The following ADGRL3 variants were observed in gnomAD, a reference collection of about 807,000 sequenced individuals.
The protein encoded by ADGRL3 is adhesion G protein-coupled receptor L3.
A neutral mutation model predicts 153.5 loss-of-function variants in ADGRL3; 62 were observed. The ratio of observed to expected loss-of-function variants is 0.40; its 90% CI spans 0.33 to 0.50. ADGRL3 has a LOEUF of 0.50. Among genes scored for constraint, ADGRL3 ranks in the 20% least tolerant of loss-of-function variants. The probability of loss-of-function intolerance (pLI) is 0.47; values close to 1 mark genes in which losing one functional copy is unlikely to be tolerated. For missense variants in ADGRL3, 1,641 were observed against 1,859.4 expected (o/e 0.88, Z 2.16); for synonymous variants, 710 against 672.5 (o/e 1.06, Z -0.86).
intron 21 of ADGRL3, among the ~76,000 whole-genome samples, chr4:62,004,175 A>G (rs897818950): frequency 1.2e-4 from 19 of 152,116 alleles, no homozygotes; most frequent in African/African-American, 4.1e-4. Context: ...ATACAACAAT[A>G]TCGCAAGAAT....
intron 19 of ADGRL3, among the ~76,000 whole-genome samples, chr4:61,993,368 C>T (rs1483543673): frequency 7.1e-6 from 1 of 141,050 alleles, no homozygotes; most frequent in Non-Finnish European, 1.5e-5. Context: ...TCTTGGCTCA[C>T]TGCAACCTCT....
intron 1 of ADGRL3, among the ~76,000 whole-genome samples, chr4:61,215,843 C>T (rs1742531755): frequency 6.6e-6 from 1 of 152,016 alleles, no homozygotes; most frequent in African/African-American, 2.4e-5. Flanking sequence ...TGAGCCACCG[C>T]GCTCGGCCTG....
chr4:61,635,902 C>A (rs1374366189), intron 5 of ADGRL3, among the ~76,000 whole-genome samples: 1 of 151,978 alleles, frequency 6.6e-6, no homozygotes, highest in Non-Finnish European at 1.5e-5. Context: ...TTGTATTGGA[C>A]CAGGACCTAC....
At chr4:61,419,887 G>A (rs763142053) in intron 2 of ADGRL3, among the ~76,000 whole-genome samples, 3 of 151,358 alleles carry the variant, frequency 2.0e-5, no homozygotes, top group Non-Finnish European at 4.4e-5. Flanking sequence ...CTCCACCTCC[G>A]GGTTTGAGTG....
chr4:61,519,615 A>G (rs2098517809), intron 4 of ADGRL3, among the ~76,000 whole-genome samples: 1 of 152,198 alleles, frequency 6.6e-6, no homozygotes, highest in South Asian at 2.1e-4. Context: ...ATAGGGGCAT[A>G]ATCTTTCCTA....
chr4:61,734,074 T>C (rs1340277845), intron 8 of ADGRL3, among the ~76,000 whole-genome samples: 1 of 152,200 alleles, frequency 6.6e-6, no homozygotes, highest in Non-Finnish European at 1.5e-5. Context: ...TTAATTTGTA[T>C]GTTGAGAAAA....
intron 19 of ADGRL3, among the ~76,000 whole-genome samples, chr4:61,995,349 A>C (rs2099118166): frequency 6.6e-6 from 1 of 152,076 alleles, no homozygotes; most frequent in Non-Finnish European, 1.5e-5. Flanking sequence ...CCTTCTTAAT[A>C]GATTTCTGTT....
At chr4:61,324,007 A>G (rs1485420514) in intron 1 of ADGRL3, among the ~76,000 whole-genome samples, 1 of 152,180 alleles carries the variant, frequency 6.6e-6, no homozygotes, top group Non-Finnish European at 1.5e-5. Context: ...GGTGGAAGGT[A>G]AGGAGGAGGA....
At chr4:61,457,509 T>C (rs1157394330) in intron 2 of ADGRL3, among the ~76,000 whole-genome samples, 1 of 151,966 alleles carries the variant, frequency 6.6e-6, no homozygotes, top group Non-Finnish European at 1.5e-5. Flanking sequence ...CTGCAGCAGC[T>C]TGGTTTGAAA....
chr4:61,475,783 A>C (rs1004662552), intron 2 of ADGRL3, among the ~76,000 whole-genome samples: 2 of 152,190 alleles, frequency 1.3e-5, no homozygotes, highest in African/African-American at 4.8e-5. Context: ...ATTACTTCAT[A>C]GATTTATAGG....
intron 25 of ADGRL3, among the ~76,000 whole-genome samples, chr4:62,055,480 T>A (rs1736500338): frequency 6.6e-6 from 1 of 151,712 alleles, no homozygotes; most frequent in Non-Finnish European, 1.5e-5. Context: ...GTGTGATAAA[T>A]CAAGATGTCA....
intron 1 of ADGRL3, among the ~76,000 whole-genome samples, chr4:61,317,968 G>A (rs2095261785): frequency 6.6e-6 from 1 of 151,970 alleles, no homozygotes; most frequent in South Asian, 2.1e-4. Context: ...TTGAGGTCAG[G>A]AGTTCAAAAC....
intron 3 of ADGRL3, among the ~76,000 whole-genome samples, chr4:61,513,522 A>G (rs1212085268): frequency 1.3e-5 from 2 of 152,126 alleles, no homozygotes; most frequent in East Asian, 3.9e-4. Context: ...ACATGGGATA[A>G]ATATTTTGAT....
Position 61,801,001 on chromosome 4 carries a change from C to T in ADGRL3, c.1400-12808C>T, listed in dbSNP as rs140480111. Among the ~76,000 whole-genome samples the T allele has an allele frequency of 8.0e-3, 1,220 of 152,184 alleles. 12 individuals carry two copies. Among genetic ancestry groups the T allele is most frequent in the African/African-American group, 0.028 (1,155 of 41,532 alleles). ...TCTACACAGTTAACTGCAATTTGAT[C>T]AGGTTGAAAAGATCATTAATAAGGT... On this transcript the variant is annotated intron_variant, in intron 8 of 26. Coordinates refer to ENST00000683033, the MANE Select transcript of ADGRL3 (RefSeq NM_001387552.1).
chr4:62,061,980 A>G (rs1461591395), intron 25 of ADGRL3, among the ~76,000 whole-genome samples: 1 of 152,050 alleles, frequency 6.6e-6, no homozygotes, highest in Non-Finnish European at 1.5e-5. Flanking sequence ...TAAATGTTCA[A>G]TAATGCAGTT....
In ADGRL3 at chr4:62,076,974, T is replaced by C. The variant is rs1209875073; in HGVS notation, c.*6066T>C. The C allele has an allele frequency of 6.6e-6, 1 of 151,530 alleles. No homozygotes were observed. Among genetic ancestry groups the C allele is most frequent in the Non-Finnish European group, 1.5e-5 (1 of 67,774 alleles). The allele number at this position is 151,530 out of a possible 1,614,324, so 9.4% of individuals were successfully genotyped here. A position where few individuals can be genotyped will look rare whatever the true frequency, so the allele number is the denominator to read the frequency against. On this transcript the variant is annotated 3_prime_UTR_variant, in exon 27 of 27. Coordinates refer to ENST00000683033, the MANE Select transcript of ADGRL3 (RefSeq NM_001387552.1). ...CATACTATAGAATAATTTATTATTA[T>C]ATATATGAATATTACATTGAGACTG...
At chr4:61,237,573 G>GAGGTGTT (rs1753313842) in intron 1 of ADGRL3, among the ~76,000 whole-genome samples, 1 of 152,144 alleles carries the variant, frequency 6.6e-6, no homozygotes, top group South Asian at 2.1e-4. Flanking sequence ...GTCTGCACTT[G>GAGGTGTT]AGGTGTTCTG....
intron 4 of ADGRL3, among the ~76,000 whole-genome samples, chr4:61,580,001 G>T (rs1269197252): frequency 6.6e-6 from 1 of 152,000 alleles, no homozygotes; most frequent in African/African-American, 2.4e-5. Context: ...AAATGTGTTG[G>T]CATGTAAAAT....
intron 2 of ADGRL3, among the ~76,000 whole-genome samples, chr4:61,480,737 C>T (rs1244389833): frequency 1.3e-5 from 2 of 152,038 alleles, no homozygotes; most frequent in Non-Finnish European, 2.9e-5. Context: ...GAGCCGAGAT[C>T]ATGCCACTGC....
Sources: gnomAD v4.1 joint callset for allele counts (sites outside exome capture counted in the v4.1 genomes callset) on GRCh38, gnomAD v4.1.1 for gene constraint, MANE v1.5 for transcripts, NCBI Gene and HGNC (gene_info 2026-07-23, HGNC 2026-07-21) for gene names.